PHLPP1: variants seen among roughly 807,000 people sequenced by gnomAD.
PHLPP1 encodes PH domain leucine-rich repeat-containing protein phosphatase 1.
A neutral mutation model predicts 117.2 loss-of-function variants in PHLPP1; 42 were observed. That is an observed-to-expected ratio of 0.36 (90% CI 0.28 to 0.46). PHLPP1 has a LOEUF of 0.46. Among genes scored for constraint, PHLPP1 ranks in the 20% least tolerant of loss-of-function variants. PHLPP1 has a pLI of 1.00. For missense variants in PHLPP1, 2,084 were observed against 2,241.9 expected, an observed-to-expected ratio of 0.93 and a Z score of 1.42; for synonymous variants, 1,042 against 970.7, an observed-to-expected ratio of 1.07 and a Z score of -1.37.
intron 1 of PHLPP1, among the ~76,000 whole-genome samples, chr18:62,765,156 C>G (rs961196612): frequency 1.3e-5 from 2 of 152,230 alleles, no homozygotes; most frequent in Non-Finnish European, 2.9e-5. Context: ...TCCTTTGTCT[C>G]CCTTTTCAGA....
chr18:62,775,645 G>A (rs1451874439), intron 1 of PHLPP1, among the ~76,000 whole-genome samples: 1 of 152,066 alleles, frequency 6.6e-6, no homozygotes, highest in East Asian at 1.9e-4. Flanking sequence ...TTTTTATCTC[G>A]ACTAATGACA....
chr18:62,853,128 G>A (rs1335309892), intron 3 of PHLPP1, among the ~76,000 whole-genome samples: 1 of 152,126 alleles, frequency 6.6e-6, no homozygotes, highest in African/African-American at 2.4e-5. Flanking sequence ...GTTCACATTA[G>A]CATTTTTTAT....
chr18:62,848,771 G>A (rs532585056), intron 3 of PHLPP1, among the ~76,000 whole-genome samples: 2 of 152,052 alleles, frequency 1.3e-5, no homozygotes, highest in East Asian at 3.9e-4. Flanking sequence ...GCCTGTGGTT[G>A]GTTTTTAATA....
rs372104093 is a variant in PHLPP1 at position 62,749,261 on chromosome 18, G to T, written c.1576+32002G>T. On this transcript the variant is annotated intron_variant, in intron 1 of 16. Coordinates refer to ENST00000262719, the MANE Select transcript of PHLPP1 (RefSeq NM_194449.4). ...TTTTTTTTTTTTAAATTTAAGTTTT[G>T]CAGCCTCATATGACCAAACTCCAAA... 3.4e-5 allele frequency among the ~76,000 whole-genome samples: 5 copies of T among 147,610 alleles called. No individual in the cohort carries two copies. In the South Asian group the frequency reaches 1.1e-3, roughly 32 times the overall value.
intron 3 of PHLPP1, among the ~76,000 whole-genome samples, chr18:62,847,229 A>G (rs1915203681): frequency 6.6e-6 from 1 of 152,030 alleles, no homozygotes; most frequent in South Asian, 2.1e-4. Context: ...TTCTTTCTCC[A>G]GCTGTGTTGG....
chr18:62,920,746 A>C (rs1052614800), intron 10 of PHLPP1, among the ~76,000 whole-genome samples: 1 of 152,014 alleles, frequency 6.6e-6, no homozygotes, highest in Non-Finnish European at 1.5e-5. Flanking sequence ...TTTTTAGTAG[A>C]GGTGGGGTTT....
chr18:62,880,082 T>C (rs1218512698), intron 4 of PHLPP1, among the ~76,000 whole-genome samples: 2 of 152,202 alleles, frequency 1.3e-5, no homozygotes, highest in Non-Finnish European at 2.9e-5. Context: ...AAACCATGTC[T>C]AAATCACATT....
chr18:62,979,049 G>A lies in PHLPP1; in HGVS notation c.4772G>A (p.Ser1591Asn), dbSNP rs780225567. Reference sequence around the variant, plus strand: ...CTGCTTCAGGTGCCAGCAGAGGCCAGTGATGAGGGCATTGTCATCAGCGCC... The same window carrying A: ...CTGCTTCAGGTGCCAGCAGAGGCCAATGATGAGGGCATTGTCATCAGCGCC... ...QHLLQVPAEA[S>N]DEGIVISANE... Residue 1591 changes from serine to asparagine, a missense_variant, in exon 17 of 17, where the codon AGT becomes AAT. Ser to Asn is a conservative substitution (Grantham distance 46). Transcript: ENST00000262719. 33 of 1,613,746 alleles carry A rather than the reference G, an allele frequency of 2.0e-5. No homozygotes were observed. Among genetic ancestry groups the A allele is most frequent in the Non-Finnish European group, 7.6e-6 (9 of 1,179,838 alleles).
intron 10 of PHLPP1, among the ~76,000 whole-genome samples, chr18:62,936,896 T>A (rs939060462): frequency 6.6e-6 from 1 of 152,170 alleles, no homozygotes; most frequent in Non-Finnish European, 1.5e-5. Flanking sequence ...CAAGCAATAA[T>A]AAGAAACTTG....
At chr18:62,917,878 CTCA>C (rs1909341765) in intron 9 of PHLPP1, among the ~76,000 whole-genome samples, 1 of 151,600 alleles carries the variant, frequency 6.6e-6, no homozygotes, top group Non-Finnish European at 1.5e-5. Context: ...TGATTTAATA[CTCA>C]TACTTTGTCT....
chr18:62,862,234 A>G lies in PHLPP1; in HGVS notation c.2066+1633A>G, dbSNP rs148449146. 2.8e-3 allele frequency among the ~76,000 whole-genome samples: 424 copies of G among 151,854 alleles called. 1 individual carries two copies. The highest frequency in any genetic ancestry group is 4.9e-3 in the Admixed American group (75 of 15,254). ...AGCTGGGATTACAGGCGCTCCCCCA[A>G]CACCTGGCTAATTTTTTTGTATTTT... On this transcript the variant is annotated intron_variant, in intron 4 of 16. Transcript: ENST00000262719.
At chr18:62,743,322 C>T (rs932542733) in intron 1 of PHLPP1, among the ~76,000 whole-genome samples, 15 of 149,020 alleles carry the variant, frequency 1.0e-4, no homozygotes, top group South Asian at 4.2e-4. Flanking sequence ...TTTTTTATTA[C>T]GGAAAATTTA....
chr18:62,877,181 T>C (rs1305408246), intron 4 of PHLPP1, among the ~76,000 whole-genome samples: 1 of 152,242 alleles, frequency 6.6e-6, no homozygotes. Context: ...TTTGGGGATG[T>C]TGGCATTCCA....
Position 62,920,121 on chromosome 18 carries a change from C to A in PHLPP1, c.2960+7C>A. 1 of 1,612,198 alleles carries A rather than the reference C, an allele frequency of 6.2e-7. No homozygotes were observed. The highest frequency in any genetic ancestry group is 8.5e-7 in the Non-Finnish European group (1 of 1,178,852). On this transcript the variant is annotated splice_region_variant and intron_variant, in intron 10 of 16. Coordinates refer to ENST00000262719, the MANE Select transcript of PHLPP1 (RefSeq NM_194449.4). Reference sequence around the variant, plus strand: ...TTCTGATGAAGGCTGACAGGTAAAGCCATTTGTCTTGTTTATCATCTGAGT... The same window carrying A: ...TTCTGATGAAGGCTGACAGGTAAAGACATTTGTCTTGTTTATCATCTGAGT...
intron 7 of PHLPP1, among the ~76,000 whole-genome samples, chr18:62,904,524 T>TA (rs1916799742): frequency 6.6e-6 from 1 of 152,194 alleles, no homozygotes; most frequent in Non-Finnish European, 1.5e-5. Context: ...CAAGATTACA[T>TA]ATGTTGATTT....
intron 1 of PHLPP1, among the ~76,000 whole-genome samples, chr18:62,726,985 T>C (rs1181433898): frequency 1.3e-5 from 2 of 151,318 alleles, no homozygotes; most frequent in African/African-American, 4.8e-5. Context: ...CCCAGCACTT[T>C]GGGAGGCCGA....
intron 1 of PHLPP1, among the ~76,000 whole-genome samples, chr18:62,814,493 A>G (rs956898133): frequency 6.6e-6 from 1 of 152,168 alleles, no homozygotes; most frequent in Non-Finnish European, 1.5e-5. Context: ...TCTTTCTGTC[A>G]CTGGTCATAG....
At chr18:62,946,564 G>A (rs1382842536) in intron 12 of PHLPP1, among the ~76,000 whole-genome samples, 3 of 151,706 alleles carry the variant, frequency 2.0e-5, no homozygotes, top group East Asian at 3.9e-4. Context: ...CACCATGCCC[G>A]GCCGGCTTGC....
intron 3 of PHLPP1, 127 bp downstream of exon 3, chr18:62,839,036 G>A (rs539225464): frequency 1.1e-6 from 1 of 949,198 alleles, no homozygotes; most frequent in East Asian, 2.5e-5. Flanking sequence ...GATACTGCCA[G>A]TGATTAGCAA....
Sources: allele counts gnomAD v4.1 joint callset (sites outside exome capture counted in the v4.1 genomes callset), GRCh38; gene constraint gnomAD v4.1.1; transcripts MANE v1.5; gene names NCBI Gene and HGNC (gene_info 2026-07-23, HGNC 2026-07-21).